Variants in PRKD1 observed in about 807,000 individuals in gnomAD.
The protein encoded by PRKD1 is serine/threonine-protein kinase D1.
Under a neutral mutation model 95.9 loss-of-function variants are expected in PRKD1, and 63 were observed. The ratio of observed to expected loss-of-function variants is 0.66; its 90% confidence interval spans 0.54 to 0.81. The LOEUF (loss-of-function observed/expected upper bound fraction) is 0.81. Ranked by LOEUF, PRKD1 falls within the 30% of genes least tolerant of loss-of-function variation. The pLI is 0.00. For missense variants in PRKD1, 1,048 were observed against 1,165.3 expected, an observed-to-expected ratio of 0.90 and a Z score of 1.47; for synonymous variants, 425 against 423.1, an observed-to-expected ratio of 1.00 and a Z score of -0.05.
At chr14:29,784,042 C>T (rs1179892978) in intron 1 of PRKD1, among the ~76,000 whole-genome samples, 1 of 152,166 alleles carries the variant, frequency 6.6e-6, no homozygotes, top group Admixed American at 6.6e-5. Context: ...AAAATCTTTG[C>T]TTAGACCAAT....
chr14:29,779,001 G>A (rs11844097), intron 1 of PRKD1, among the ~76,000 whole-genome samples: 29,477 of 152,042 alleles, frequency 0.19, 3,042 homozygotes, highest in South Asian at 0.27. Flanking sequence ...ATCAATAAAC[G>A]TAATCCAGCA....
chr14:29,645,092 C>G (rs1303749218), intron 4 of PRKD1, among the ~76,000 whole-genome samples: 3 of 152,086 alleles, frequency 2.0e-5, no homozygotes, highest in African/African-American at 4.8e-5. Flanking sequence ...CTCCTTAGAT[C>G]CTCCCCAGCT....
At chr14:29,727,663 A>G (rs1886227364) in intron 1 of PRKD1, among the ~76,000 whole-genome samples, 5 of 151,716 alleles carry the variant, frequency 3.3e-5, no homozygotes, top group Admixed American at 3.3e-4. Context: ...TCCTTTCCCC[A>G]TTGCTTGTTT....
intron 13 of PRKD1, among the ~76,000 whole-genome samples, chr14:29,616,406 C>T (rs1360361227): frequency 6.6e-6 from 1 of 151,162 alleles, no homozygotes; most frequent in Non-Finnish European, 1.5e-5. Context: ...GAGACGCAGC[C>T]TAGATAAATC....
At chr14:29,897,070 G>C (rs924322562) in intron 1 of PRKD1, among the ~76,000 whole-genome samples, 1 of 151,692 alleles carries the variant, frequency 6.6e-6, no homozygotes, top group Admixed American at 6.6e-5. Flanking sequence ...TACAATTTTA[G>C]ATAATAAGAG....
At chr14:29,613,947 T>G (rs990826797) in intron 13 of PRKD1, among the ~76,000 whole-genome samples, 6 of 152,244 alleles carry the variant, frequency 3.9e-5, no homozygotes, top group Non-Finnish European at 8.8e-5. Flanking sequence ...TGGAACATGC[T>G]GGGCATTCAA....
chr14:29,662,196 G>A (rs1370660633), intron 4 of PRKD1, among the ~76,000 whole-genome samples: 1 of 152,030 alleles, frequency 6.6e-6, no homozygotes, highest in African/African-American at 2.4e-5. Context: ...AATTTACAAT[G>A]TTGTTTCTTA....
At chr14:29,922,077 G>A (rs1051971906) in intron 1 of PRKD1, among the ~76,000 whole-genome samples, 3 of 151,802 alleles carry the variant, frequency 2.0e-5, no homozygotes, top group South Asian at 2.1e-4. Flanking sequence ...CAAGGCGGGC[G>A]GATTACGAGG....
At chr14:29,666,519 T>C (rs1156983739) in intron 2 of PRKD1, among the ~76,000 whole-genome samples, 1 of 152,016 alleles carries the variant, frequency 6.6e-6, no homozygotes, top group Admixed American at 6.6e-5. Context: ...TACAAACACC[T>C]GATGATACTT....
intron 2 of PRKD1, among the ~76,000 whole-genome samples, chr14:29,676,100 C>G (rs192830717): frequency 1.3e-5 from 2 of 149,828 alleles, no homozygotes; most frequent in Admixed American, 1.3e-4. Flanking sequence ...CACATGTACC[C>G]TAGAATTTAA....
chr14:29,710,000 C>A (rs564262711), intron 2 of PRKD1, among the ~76,000 whole-genome samples: 1 of 152,288 alleles, frequency 6.6e-6, no homozygotes, highest in East Asian at 1.9e-4. Context: ...TACTTCTTCA[C>A]ACAGTGTGTG....
intron 4 of PRKD1, among the ~76,000 whole-genome samples, chr14:29,643,314 C>T (rs1252013025): frequency 2.0e-5 from 3 of 151,770 alleles, no homozygotes; most frequent in East Asian, 1.9e-4. Context: ...AATATGAGAA[C>T]GTAATGATGA....
At chr14:29,921,444 T>C (rs997789948) in intron 1 of PRKD1, among the ~76,000 whole-genome samples, 3 of 152,018 alleles carry the variant, frequency 2.0e-5, no homozygotes, top group Admixed American at 2.0e-4. Flanking sequence ...TGCTAGTCTA[T>C]AGAGCTTTAA....
chr14:29,927,448 G>C lies in PRKD1; in HGVS notation c.65C>G (p.Ala22Gly). ...PLLPVAAAAA[A>G]AAAALVPGSG... ...CCCTGGGACCAGTGCGGCGGCCGCTGCGGCAGCTGCCGCCGCCACGGGCAG... is the reference window on the plus strand; with the variant it reads ...CCCTGGGACCAGTGCGGCGGCCGCTCCGGCAGCTGCCGCCGCCACGGGCAG... Residue 22 changes from alanine to glycine, a missense_variant, in exon 1 of 18, where the codon GCA becomes GGA. Ala to Gly is a moderately conservative substitution (Grantham distance 60). Transcript: ENST00000331968. 7.6e-7 allele frequency: 1 copy of C among 1,320,120 alleles called. No individual in the cohort carries two copies. Among genetic ancestry groups the C allele is most frequent in the Non-Finnish European group, 9.6e-7 (1 of 1,038,508 alleles). The allele number at this position is 1,320,120 out of a possible 1,614,324, so 81.8% of individuals were successfully genotyped here.
intron 2 of PRKD1, among the ~76,000 whole-genome samples, chr14:29,708,166 A>G (rs542177456): frequency 1.1e-4 from 17 of 152,238 alleles, no homozygotes; most frequent in African/African-American, 4.1e-4. Context: ...AGGAAGGACA[A>G]TTTAACAAGA....
At chr14:29,678,999 T>C (rs1883383467) in intron 2 of PRKD1, among the ~76,000 whole-genome samples, 1 of 152,196 alleles carries the variant, frequency 6.6e-6, no homozygotes, top group Non-Finnish European at 1.5e-5. Context: ...TGCCTGTTAA[T>C]CAGAAGGCCA....
intron 1 of PRKD1, among the ~76,000 whole-genome samples, chr14:29,901,073 A>G (rs1442288452): frequency 1.3e-5 from 2 of 152,230 alleles, no homozygotes; most frequent in African/African-American, 4.8e-5. Flanking sequence ...AATAGCAAAG[A>G]CATGAAATCT....
chr14:29,597,898 G>T (rs1893368148), intron 15 of PRKD1, 140 bp from the exon 16 acceptor site: 2 of 913,982 alleles, frequency 2.2e-6, no homozygotes, highest in East Asian at 5.3e-5. Context: ...TAAAGTAATA[G>T]CTATTTTCCA....
In PRKD1 at chr14:29,638,842, A is replaced by G; in HGVS notation, c.759T>C (p.Ile253=). 6.2e-7 allele frequency: 1 copy of G among 1,609,568 alleles called. No individual in the cohort carries two copies. The highest frequency in any genetic ancestry group is 1.1e-5 in the South Asian group (1 of 90,968). The change falls in exon 5 of 18, where the codon ATT becomes ATC. Residue 253 remains isoleucine, a synonymous_variant. Transcript: ENST00000331968. ...TCTTGTCAAGGTGAATTGGTCGTCC[A>G]ATGTATGATTGAGAATTTGACCTCT... The part of the protein sequence containing the change: ...REKRSNSQSY[I]GRPIHLDKIL...
Sources: allele counts gnomAD v4.1 joint callset (sites outside exome capture counted in the v4.1 genomes callset), GRCh38; gene constraint gnomAD v4.1.1; transcripts MANE v1.5; gene names NCBI Gene and HGNC (gene_info 2026-07-23, HGNC 2026-07-21).